CNTLN: variants seen among roughly 807,000 people sequenced by gnomAD.
CNTLN encodes the protein centlein.
A neutral mutation model predicts 180.0 loss-of-function variants in CNTLN; 212 were observed. That is an observed-to-expected ratio of 1.18 (90% confidence interval 1.05 to 1.32). The LOEUF is 1.32. Among genes scored for constraint, CNTLN ranks in the 40% most tolerant of loss-of-function variants. The pLI, the probability that CNTLN is intolerant of heterozygous loss-of-function variation, is 0.00. For missense variants in CNTLN, 2,095 were observed against 1,610.9 expected, an observed-to-expected ratio of 1.30 and a Z score of -5.14; for synonymous variants, 722 against 563.1, an observed-to-expected ratio of 1.28 and a Z score of -3.99.
At chr9:17,143,487 T>C in intron 2 of CNTLN, 111 bp downstream of exon 2, 5 of 781,296 alleles carry the variant, frequency 6.4e-6, no homozygotes, top group Non-Finnish European at 8.2e-6. Flanking sequence ...ATTTAATTTC[T>C]GAATAAATGT....
chr9:17,469,746 T>C (rs1831953440), intron 23 of CNTLN, among the ~76,000 whole-genome samples: 1 of 151,162 alleles, frequency 6.6e-6, no homozygotes, highest in Non-Finnish European at 1.5e-5. Flanking sequence ...CTTCCCCTCT[T>C]TGTTCTCTCC....
Position 17,334,831 on chromosome 9 carries a change from A to G in CNTLN, c.1644+2101A>G, listed in dbSNP as rs140030417. ...CTGTGTTCACTATCTGGGTGATGGG[A>G]TCAATAGAAGCCCAAACCTCAGCAT... On this transcript the variant is annotated intron_variant, in intron 10 of 25. Transcript: ENST00000380647. 5.6e-3 allele frequency among the ~76,000 whole-genome samples: 857 copies of G among 151,750 alleles called. 6 individuals are homozygous for G. Among genetic ancestry groups the G allele is most frequent in the African/African-American group, 0.02 (826 of 41,378 alleles).
Position 17,466,054 on chromosome 9 carries a change from C to T in CNTLN, c.3605C>T (p.Ala1202Val). Reference protein sequence around the residue: ...IDSLKQRLNVAVKEKSQYEQM... With the variant: ...IDSLKQRLNVVVKEKSQYEQM... ...TCACTAAAGCAAAGACTTAACGTTG[C>T]TGTAAAAGAAAAGTCACAGTATGAA... is the stretch of plus-strand genomic sequence containing the variant. Residue 1202 changes from alanine (A) to valine (V), a missense_variant, in exon 22 of 26, where the codon GCT becomes GTT. By Grantham distance (64) the Ala-to-Val change is moderately conservative (BLOSUM62 0). Coordinates refer to ENST00000380647, the MANE Select transcript of CNTLN (RefSeq NM_017738.4). 1 of 1,605,072 alleles carries T rather than the reference C, an allele frequency of 6.2e-7. No individual in the cohort carries two copies.
intron 16 of CNTLN, among the ~76,000 whole-genome samples, chr9:17,411,748 G>A (rs941427914): frequency 1.3e-5 from 2 of 152,108 alleles, no homozygotes; most frequent in Non-Finnish European, 2.9e-5. Context: ...ATGATCTGAG[G>A]TAGAACAGTT....
chr9:17,490,043 A>G (rs1456457001), intron 25 of CNTLN, among the ~76,000 whole-genome samples: 1 of 152,186 alleles, frequency 6.6e-6, no homozygotes, highest in Non-Finnish European at 1.5e-5. Flanking sequence ...GCAGGATGGG[A>G]GAAACCACCA....
chr9:17,191,175 T>C (rs1821765847), intron 2 of CNTLN, among the ~76,000 whole-genome samples: 2 of 152,242 alleles, frequency 1.3e-5, no homozygotes, highest in Non-Finnish European at 2.9e-5. Context: ...GCCTTTTGGA[T>C]ACTGGACAGC....
At chr9:17,335,148 T>A (rs1820920537) in intron 10 of CNTLN, among the ~76,000 whole-genome samples, 1 of 152,176 alleles carries the variant, frequency 6.6e-6, no homozygotes. Flanking sequence ...TTAAATGACA[T>A]CCATCCATAT....
downstream of CNTLN, among the ~76,000 whole-genome samples, chr9:17,508,196 G>T (rs2134446696): frequency 6.6e-6 from 1 of 152,256 alleles, no homozygotes; most frequent in African/African-American, 2.4e-5. Flanking sequence ...AAAAAGAAAA[G>T]CATAGTCAAG....
intron 13 of CNTLN, among the ~76,000 whole-genome samples, chr9:17,382,567 A>G (rs1042040873): frequency 6.6e-6 from 1 of 152,208 alleles, no homozygotes; most frequent in Non-Finnish European, 1.5e-5. Flanking sequence ...TTGTGACCAT[A>G]ATTTAATGCA....
chr9:17,415,867 C>G lies in CNTLN; in HGVS notation c.2876C>G (p.Ala959Gly). 6.2e-7 allele frequency: 1 copy of G among 1,610,990 alleles called. No individual in the cohort carries two copies. Among genetic ancestry groups the G allele is most frequent in the Non-Finnish European group, 8.5e-7 (1 of 1,178,352 alleles). The change falls in exon 17 of 26, where the codon GCA becomes GGA. Residue 959 changes from alanine to glycine, a missense_variant. Transcript: ENST00000380647. ...AAGATGCAAAAGAGTTCACATACAG[C>G]AGTTCCTACTAGAGGTAAGAATGTA... is the stretch of plus-strand genomic sequence containing the variant. ...NCKMQKSSHTAVPTRVNREKY... is the reference protein window; with the variant it reads ...NCKMQKSSHTGVPTRVNREKY...
At chr9:17,253,664 G>T (rs1826291173) in intron 5 of CNTLN, among the ~76,000 whole-genome samples, 1 of 150,358 alleles carries the variant, frequency 6.7e-6, no homozygotes, top group South Asian at 2.1e-4. Context: ...AGTTTTTCTG[G>T]TAGAGTCATT....
At chr9:17,451,325 T>G (rs1830764864) in intron 18 of CNTLN, among the ~76,000 whole-genome samples, 1 of 152,302 alleles carries the variant, frequency 6.6e-6, no homozygotes, top group East Asian at 1.9e-4. Context: ...TAATAAGATT[T>G]TAAAATTGCT....
chr9:17,311,452 T>G (rs995100279), intron 8 of CNTLN, among the ~76,000 whole-genome samples: 2 of 67,880 alleles, frequency 2.9e-5, no homozygotes, highest in African/African-American at 5.9e-5. Context: ...GGTTTTTCTG[T>G]TTTTTTTTTT....
intron 7 of CNTLN, 109 bp downstream of exon 7, chr9:17,298,461 A>G: frequency 7.4e-7 from 1 of 1,346,164 alleles, no homozygotes; most frequent in Non-Finnish European, 9.6e-7. Context: ...ACTTCCTTTT[A>G]CATGTGTTTC....
intron 2 of CNTLN, among the ~76,000 whole-genome samples, chr9:17,211,240 T>G (rs1171754470): frequency 6.6e-6 from 1 of 152,206 alleles, no homozygotes; most frequent in African/African-American, 2.4e-5. Context: ...GTACAAGGTG[T>G]AAGGAAGGGA....
In CNTLN at chr9:17,189,673, G is replaced by A. The variant is rs140711116; in HGVS notation, c.450-36530G>A. 2.1e-4 allele frequency among the ~76,000 whole-genome samples: 32 copies of A among 151,772 alleles called. 1 individual carries two copies. The East Asian group carries it at 6.3e-3, about 30-fold the overall frequency. ...TAATTTTTTTTGTATTTTTAGTAGA[G>A]ACGGGGTTTCCCTATGTTGGCCAGG... On this transcript the variant is annotated intron_variant, in intron 2 of 25. Transcript: ENST00000380647.
intron 5 of CNTLN, among the ~76,000 whole-genome samples, chr9:17,260,983 T>C (rs1826923603): frequency 6.6e-6 from 1 of 151,354 alleles, no homozygotes; most frequent in African/African-American, 2.5e-5. Flanking sequence ...CAGGTAATTG[T>C]AGGTGTGCAA....
chr9:17,194,958 C>T (rs559906204), intron 2 of CNTLN, among the ~76,000 whole-genome samples: 2 of 152,170 alleles, frequency 1.3e-5, no homozygotes, highest in South Asian at 2.1e-4. Context: ...CATCAGATCT[C>T]GTGAGACTTA....
At chr9:17,215,731 C>T (rs552515947) in intron 2 of CNTLN, among the ~76,000 whole-genome samples, 1 of 152,098 alleles carries the variant, frequency 6.6e-6, no homozygotes, top group Non-Finnish European at 1.5e-5. Context: ...CTTTGTTTAC[C>T]TACTCAAGCC....
Sources: gnomAD v4.1 joint callset for allele counts (sites outside exome capture counted in the v4.1 genomes callset) on GRCh38, gnomAD v4.1.1 for gene constraint, MANE v1.5 for transcripts, NCBI Gene and HGNC (gene_info 2026-07-23, HGNC 2026-07-21) for gene names.